Variants in ERBB4 observed in about 807,000 individuals in gnomAD.
ERBB4 encodes the protein receptor tyrosine-protein kinase erbB-4.
In ERBB4, 42 loss-of-function variants were observed where a neutral mutation model predicts 158.0. That is an observed-to-expected ratio of 0.27 (90% CI 0.21 to 0.34). The LOEUF (loss-of-function observed/expected upper bound fraction) is 0.34, where lower values mean the gene tolerates loss of function less well. ERBB4 is among the 10% of genes least tolerant of loss of function. The pLI, the probability that ERBB4 is intolerant of heterozygous loss-of-function variation, is 1.00. For synonymous variants in ERBB4, 583 were observed against 558.7 expected (o/e 1.04, Z -0.61); for missense variants, 1,333 against 1,624.1 (o/e 0.82, Z 3.08).
At chr2:212,044,392 C>T (rs547519726) in intron 2 of ERBB4, among the ~76,000 whole-genome samples, 7 of 152,160 alleles carry the variant, frequency 4.6e-5, no homozygotes, top group South Asian at 2.1e-4. Flanking sequence ...CTTTCAATGC[C>T]GATATTTCTG....
chr2:212,217,360 T>C, intron 1 of ERBB4, among the ~76,000 whole-genome samples: 1 of 151,382 alleles, frequency 6.6e-6, no homozygotes, highest in East Asian at 1.9e-4. Flanking sequence ...TATTTAACCC[T>C]TAAAACTGAG....
At chr2:212,178,085 A>AGAT (rs1179149126) in intron 1 of ERBB4, among the ~76,000 whole-genome samples, 74 of 151,810 alleles carry the variant, frequency 4.9e-4, no homozygotes, top group Non-Finnish European at 8.7e-4. Flanking sequence ...AGAAGGGTAA[A>AGAT]AAGTGGTGAT....
At chr2:212,496,313 C>A (rs1265767650) in intron 1 of ERBB4, among the ~76,000 whole-genome samples, 3 of 151,408 alleles carry the variant, frequency 2.0e-5, no homozygotes, top group Non-Finnish European at 4.4e-5. Context: ...AGACATACAT[C>A]ATGTAGATTA....
chr2:212,432,374 T>C (rs2092048752), intron 1 of ERBB4, among the ~76,000 whole-genome samples: 1 of 152,152 alleles, frequency 6.6e-6, no homozygotes, highest in South Asian at 2.1e-4. Flanking sequence ...GCAATTTGCT[T>C]TTAAGTTACT....
At chr2:212,430,743 G>C (rs947576779) in intron 1 of ERBB4, among the ~76,000 whole-genome samples, 1 of 152,100 alleles carries the variant, frequency 6.6e-6, no homozygotes, top group Non-Finnish European at 1.5e-5. Context: ...TTTAGCATGA[G>C]ACAGCTAAGT....
At chr2:211,471,372 C>T (rs72931848) in intron 20 of ERBB4, among the ~76,000 whole-genome samples, 5,676 of 152,108 alleles carry the variant, frequency 0.037, 191 homozygotes, top group African/African-American at 0.088. Flanking sequence ...CTAAATTGTG[C>T]AGTGTATTGC....
At chr2:211,706,970 G>A (rs1253649656) in intron 9 of ERBB4, among the ~76,000 whole-genome samples, 2 of 152,134 alleles carry the variant, frequency 1.3e-5, no homozygotes, top group Non-Finnish European at 2.9e-5. Flanking sequence ...TTTTTAATGT[G>A]CAAAGAATTT....
intron 1 of ERBB4, among the ~76,000 whole-genome samples, chr2:212,405,052 T>C (rs778547337): frequency 6.6e-6 from 1 of 152,054 alleles, no homozygotes; most frequent in Non-Finnish European, 1.5e-5. Context: ...CAGTCTATCA[T>C]TAATTGGCAT....
At chr2:211,462,209 G>C (rs2064552924) in intron 20 of ERBB4, among the ~76,000 whole-genome samples, 1 of 151,904 alleles carries the variant, frequency 6.6e-6, no homozygotes, top group African/African-American at 2.4e-5. Flanking sequence ...AGAAAGAGGG[G>C]CAGGGGTGCT....
intron 3 of ERBB4, among the ~76,000 whole-genome samples, chr2:211,797,100 T>A (rs1276975564): frequency 1.3e-5 from 2 of 152,066 alleles, no homozygotes; most frequent in Admixed American, 1.3e-4. Context: ...GCTATTAAAA[T>A]AGAACACTCT....
At chr2:211,693,404 T>C (rs1336785198) in intron 12 of ERBB4, among the ~76,000 whole-genome samples, 1 of 152,140 alleles carries the variant, frequency 6.6e-6, no homozygotes, top group African/African-American at 2.4e-5. Context: ...AACCCCACTA[T>C]TTATAGAATG....
Position 211,665,395 on chromosome 2 carries a change from G to A in ERBB4, c.1799C>T (p.Ala600Val). 6.2e-7 allele frequency: 1 copy of A among 1,614,040 alleles called. No individual in the cohort carries two copies. The highest frequency in any genetic ancestry group is 8.5e-7 in the Non-Finnish European group (1 of 1,179,994). The change falls in exon 15 of 28, where the codon GCA becomes GTA. Residue 600 changes from alanine (A) to valine (V), a missense_variant. Physicochemically the swap from Ala to Val is moderately conservative, Grantham distance 64. Around this residue, in one of 5 missense-constraint regions of ERBB4, gnomAD observed 245 missense variants for 247.5 expected, o/e 0.99. Coordinates refer to ENST00000342788, the MANE Select transcript of ERBB4 (RefSeq NM_005235.3). ...AGCATACTTGAAAATGAAACTGTTT[G>A]CCCCCTGTAAGCCATCTGGACATTT... ...VEKCPDGLQG[A>V]NSFIFKYADP... is the part of the protein sequence containing the mutation.
intron 20 of ERBB4, among the ~76,000 whole-genome samples, chr2:211,523,135 A>G (rs974317731): frequency 6.8e-6 from 1 of 146,620 alleles, no homozygotes; most frequent in African/African-American, 2.5e-5. Flanking sequence ...AGTACCCCAC[A>G]TAGGAACACC....
chr2:212,109,701 A>C (rs2079345093), intron 2 of ERBB4, among the ~76,000 whole-genome samples: 1 of 152,232 alleles, frequency 6.6e-6, no homozygotes, highest in Non-Finnish European at 1.5e-5. Context: ...CTAGGAGGAT[A>C]CATGATTGTT....
chr2:212,318,334 T>A (rs2087390187), intron 1 of ERBB4, among the ~76,000 whole-genome samples: 1 of 151,642 alleles, frequency 6.6e-6, no homozygotes, highest in Non-Finnish European at 1.5e-5. Context: ...TAATCAGCAT[T>A]TCTTTCATTT....
chr2:211,981,528 T>C (rs1294384192), intron 2 of ERBB4, among the ~76,000 whole-genome samples: 1 of 152,222 alleles, frequency 6.6e-6, no homozygotes, highest in Non-Finnish European at 1.5e-5. Context: ...CTACCTTAAA[T>C]GTATGCTATG....
At chr2:211,625,439 G>A (rs2069805862) in intron 17 of ERBB4, among the ~76,000 whole-genome samples, 1 of 152,086 alleles carries the variant, frequency 6.6e-6, no homozygotes, top group South Asian at 2.1e-4. Flanking sequence ...TGTAGCTATA[G>A]CAAGAATTTT....
chr2:212,099,017 A>G (rs992095981), intron 2 of ERBB4, among the ~76,000 whole-genome samples: 2 of 152,020 alleles, frequency 1.3e-5, no homozygotes, highest in Non-Finnish European at 2.9e-5. Flanking sequence ...ACTGTGGCTC[A>G]TGCCTGTAAT....
chr2:212,413,245 C>G (rs1391800995), intron 1 of ERBB4, among the ~76,000 whole-genome samples: 1 of 150,422 alleles, frequency 6.6e-6, no homozygotes, highest in Non-Finnish European at 1.5e-5. Context: ...CTCGGCCTCC[C>G]AAAGTGCTGG....
Sources: allele counts gnomAD v4.1 joint callset (sites outside exome capture counted in the v4.1 genomes callset), GRCh38; gene constraint gnomAD v4.1.1; regional missense constraint gnomAD v4.1.1; transcripts MANE v1.5; gene names NCBI Gene and HGNC (gene_info 2026-07-23, HGNC 2026-07-21).